Variants in NTM observed in about 807,000 individuals in gnomAD.
NTM encodes the protein neurotrimin.
A neutral mutation model predicts 42.1 loss-of-function variants in NTM; 13 were observed. That is an observed-to-expected ratio of 0.31 (90% confidence interval 0.20 to 0.49). The LOEUF is 0.49. Ranked by LOEUF, NTM falls within the 20% of genes least tolerant of loss-of-function variation. NTM has a pLI of 0.99. For missense variants in NTM, 373 were observed against 452.8 expected, an observed-to-expected ratio of 0.82 and a Z score of 1.60; for synonymous variants, 187 against 179.2, an observed-to-expected ratio of 1.04 and a Z score of -0.35.
chr11:132,249,964 A>T (rs1566577518), intron 4 of NTM, among the ~76,000 whole-genome samples: 1 of 152,130 alleles, frequency 6.6e-6, no homozygotes, highest in Non-Finnish European at 1.5e-5. Context: ...CCAATTTATC[A>T]CCTTCTTTCT....
intron 1 of NTM, among the ~76,000 whole-genome samples, chr11:131,809,334 C>T (rs1295454774): frequency 6.6e-6 from 1 of 152,224 alleles, no homozygotes; most frequent in Non-Finnish European, 1.5e-5. Context: ...AGCTGATTAA[C>T]ACTGCCTGTG....
chr11:131,879,470 A>G (rs2049128960), intron 1 of NTM, among the ~76,000 whole-genome samples: 1 of 152,100 alleles, frequency 6.6e-6, no homozygotes, highest in Non-Finnish European at 1.5e-5. Context: ...CCAACCACCA[A>G]TCTTCAACAC....
chr11:131,803,533 C>CA (rs761857858), intron 1 of NTM, among the ~76,000 whole-genome samples: 20 of 152,198 alleles, frequency 1.3e-4, no homozygotes, highest in Non-Finnish European at 2.6e-4. Flanking sequence ...TAGTCTCAAA[C>CA]TCCTGACCTC....
intron 8 of NTM, 65 bp downstream of exon 8, chr11:132,330,250 C>T (rs2095776307): frequency 1.3e-6 from 2 of 1,521,440 alleles, no homozygotes; most frequent in Admixed American, 4.0e-5. Context: ...TCTTCACCTT[C>T]CTCCCAGATG....
At chr11:131,489,223 C>G (rs1438107076) in intron 1 of NTM, among the ~76,000 whole-genome samples, 1 of 152,198 alleles carries the variant, frequency 6.6e-6, no homozygotes, top group East Asian at 1.9e-4. Context: ...ATTCATTCTT[C>G]CTTTTTCATA....
At chr11:131,547,265 C>T (rs559992802) in intron 1 of NTM, among the ~76,000 whole-genome samples, 1 of 152,254 alleles carries the variant, frequency 6.6e-6, no homozygotes, top group East Asian at 1.9e-4. Flanking sequence ...GATACTTAAT[C>T]ATTATATAAA....
At chr11:131,710,905 G>C (rs12578027) in intron 1 of NTM, among the ~76,000 whole-genome samples, 1 of 152,120 alleles carries the variant, frequency 6.6e-6, no homozygotes, top group East Asian at 1.9e-4. Context: ...CCTCCTTGTA[G>C]AAATGCCTTT....
chr11:131,628,080 T>C (rs2063302378), intron 1 of NTM, among the ~76,000 whole-genome samples: 1 of 152,206 alleles, frequency 6.6e-6, no homozygotes, highest in South Asian at 2.1e-4. Flanking sequence ...TATTCCAGGC[T>C]GTGAAACTCA....
chr11:131,574,917 A>T (rs2057788819), intron 1 of NTM, among the ~76,000 whole-genome samples: 1 of 151,978 alleles, frequency 6.6e-6, no homozygotes, highest in South Asian at 2.1e-4. Flanking sequence ...AATAGCAGCA[A>T]TCCTCCTGAT....
chr11:131,738,651 G>A (rs762777323), intron 1 of NTM, among the ~76,000 whole-genome samples: 4 of 152,160 alleles, frequency 2.6e-5, no homozygotes, highest in Non-Finnish European at 5.9e-5. Context: ...ACTATTGTTT[G>A]TTGGGTATAA....
chr11:132,263,020 A>C (rs2092961439), intron 4 of NTM, among the ~76,000 whole-genome samples: 1 of 152,230 alleles, frequency 6.6e-6, no homozygotes, highest in Non-Finnish European at 1.5e-5. Flanking sequence ...AACGGTTCCC[A>C]GGCAAGACTA....
chr11:131,941,094 G>A (rs1416774988), intron 2 of NTM, among the ~76,000 whole-genome samples: 2 of 152,148 alleles, frequency 1.3e-5, no homozygotes, highest in Non-Finnish European at 2.9e-5. Flanking sequence ...GAGATGACAG[G>A]CACATTGTAC....
intron 1 of NTM, among the ~76,000 whole-genome samples, chr11:131,824,633 G>A (rs992394483): frequency 8.5e-5 from 13 of 152,118 alleles, no homozygotes; most frequent in African/African-American, 2.7e-4. Flanking sequence ...TGTTTTTCTA[G>A]CCTGTATTGT....
chr11:132,194,388 T>C (rs2079831434), intron 3 of NTM, among the ~76,000 whole-genome samples: 1 of 152,114 alleles, frequency 6.6e-6, no homozygotes, highest in South Asian at 2.1e-4. Context: ...CAATAAATGC[T>C]GAAAAGGCTC....
In NTM at chr11:132,335,032, T is replaced by C; in HGVS notation, c.968-14T>C. The C allele has an allele frequency of 6.2e-7, 1 of 1,610,490 alleles. No homozygotes were observed. Among genetic ancestry groups the C allele is most frequent in the South Asian group, 1.1e-5 (1 of 90,884 alleles). On this transcript the variant is annotated splice_polypyrimidine_tract_variant and intron_variant, in intron 8 of 8. Transcript: ENST00000683400. ...TCTCCCAGACCACTCACGGCGAGTGTGTTCTCTCCACAGGTCCAGGCGCCG... is the reference window on the plus strand; with the variant it reads ...TCTCCCAGACCACTCACGGCGAGTGCGTTCTCTCCACAGGTCCAGGCGCCG...
intron 3 of NTM, among the ~76,000 whole-genome samples, chr11:132,175,421 T>C (rs2076661218): frequency 6.6e-6 from 1 of 152,186 alleles, no homozygotes; most frequent in South Asian, 2.1e-4. Flanking sequence ...CAAGTTTGTG[T>C]AAATTTGGAA....
chr11:132,167,149 A>G (rs2075402027), intron 3 of NTM, among the ~76,000 whole-genome samples: 1 of 152,184 alleles, frequency 6.6e-6, no homozygotes, highest in African/African-American at 2.4e-5. Context: ...TGCCAGTTAT[A>G]TGACTGGCAT....
intron 1 of NTM, among the ~76,000 whole-genome samples, chr11:131,806,659 C>T (rs556652354): frequency 2.0e-5 from 3 of 152,204 alleles, no homozygotes; most frequent in Admixed American, 6.5e-5. Context: ...AGTGGCAGAG[C>T]GAGGAGTGGT....
intron 2 of NTM, among the ~76,000 whole-genome samples, chr11:131,938,630 G>A (rs2059475958): frequency 6.6e-6 from 1 of 152,218 alleles, no homozygotes. Context: ...GCTAGTCTAT[G>A]TATGATGCAA....
Sources: allele counts gnomAD v4.1 joint callset (sites outside exome capture counted in the v4.1 genomes callset), GRCh38; gene constraint gnomAD v4.1.1; transcripts MANE v1.5; gene names NCBI Gene and HGNC (gene_info 2026-07-23, HGNC 2026-07-21).